Variants in NOCT observed in about 807,000 individuals in gnomAD.
The protein encoded by NOCT is CCR4 carbon catabolite repression 4-like.
In NOCT, 18 loss-of-function variants were observed where a neutral mutation model predicts 35.0. The observed-to-expected ratio is 0.51, with a 90% CI of 0.36 to 0.76. The LOEUF (loss-of-function observed/expected upper bound fraction) is 0.76, where lower values mean the gene tolerates loss of function less well. Ranked by LOEUF, NOCT falls within the 30% of genes least tolerant of loss-of-function variation. The probability of loss-of-function intolerance (pLI) is 0.01; values close to 1 mark genes in which losing one functional copy is unlikely to be tolerated. For missense variants in NOCT, 479 were observed against 541.0 expected, an observed-to-expected ratio of 0.89 and a Z score of 1.14; for synonymous variants, 235 against 226.3, an observed-to-expected ratio of 1.04 and a Z score of -0.34.
At chr4:139,035,810 T>C (rs1239477219) in intron 1 of NOCT, among the ~76,000 whole-genome samples, 2 of 152,162 alleles carry the variant, frequency 1.3e-5, no homozygotes, top group Non-Finnish European at 1.5e-5. Flanking sequence ...CATCTCCTTT[T>C]ATTCAGACTG....
chr4:139,041,501 GAAAAT>G (rs558946542), intron 1 of NOCT, among the ~76,000 whole-genome samples: 113 of 152,256 alleles, frequency 7.4e-4, no homozygotes, highest in Middle Eastern at 6.8e-3. Flanking sequence ...ATACTATAAT[GAAAAT>G]AAAACATAGT....
chr4:139,037,169 GA>G (rs1321110701), intron 1 of NOCT, among the ~76,000 whole-genome samples: 3 of 152,104 alleles, frequency 2.0e-5, no homozygotes, highest in Non-Finnish European at 2.9e-5. Flanking sequence ...GGTCTAAGGG[GA>G]CAGAGACAAG....
intron 1 of NOCT, among the ~76,000 whole-genome samples, chr4:139,023,895 C>T (rs1726466290): frequency 1.3e-5 from 2 of 152,180 alleles, no homozygotes; most frequent in African/African-American, 4.8e-5. Context: ...TTGAATGTCT[C>T]AGCATCTGAT....
chr4:139,039,316 T>C (rs1726793475), intron 1 of NOCT, among the ~76,000 whole-genome samples: 1 of 152,160 alleles, frequency 6.6e-6, no homozygotes, highest in Non-Finnish European at 1.5e-5. Context: ...TTAAATATGT[T>C]ACTTCATTTT....
chr4:139,026,474 T>TGCCTCA (rs1231119154), intron 1 of NOCT, among the ~76,000 whole-genome samples: 1 of 152,118 alleles, frequency 6.6e-6, no homozygotes, highest in African/African-American at 2.4e-5. Context: ...GGGATCTTCC[T>TGCCTCA]GCCTCAGCCT....
intron 2 of NOCT, among the ~76,000 whole-genome samples, chr4:139,044,075 CTA>C (rs1726891337): frequency 6.7e-6 from 1 of 150,174 alleles, no homozygotes; most frequent in African/African-American, 2.4e-5. Context: ...TCAATCAACT[CTA>C]TGTAGCATTG....
intron 1 of NOCT, among the ~76,000 whole-genome samples, chr4:139,027,507 C>CT (rs951630349): frequency 1.8e-4 from 26 of 147,002 alleles, no homozygotes; most frequent in South Asian, 4.3e-4. Context: ...TATTTATGGA[C>CT]TTTTTTTTTT....
chr4:139,020,942 T>C (rs1326583020), intron 1 of NOCT, among the ~76,000 whole-genome samples: 1 of 151,758 alleles, frequency 6.6e-6, no homozygotes, highest in Non-Finnish European at 1.5e-5. Flanking sequence ...GGTGCACACC[T>C]GTACATCCCA....
intron 1 of NOCT, among the ~76,000 whole-genome samples, chr4:139,020,221 C>T (rs976983493): frequency 3.9e-5 from 6 of 152,170 alleles, no homozygotes; most frequent in African/African-American, 1.4e-4. Context: ...ATCATTTAAC[C>T]TTGCTTGCTG....
intron 1 of NOCT, among the ~76,000 whole-genome samples, chr4:139,021,056 G>T (rs951519070): frequency 3.6e-5 from 5 of 139,036 alleles, no homozygotes; most frequent in Admixed American, 3.1e-4. Context: ...GACAGTAGGA[G>T]CAATACTCTG....
intron 1 of NOCT, 39 bp downstream of exon 1, chr4:139,016,210 C>A (rs886911145): frequency 2.5e-6 from 3 of 1,200,034 alleles, no homozygotes; most frequent in Non-Finnish European, 3.1e-6. Context: ...ACGCCACGGC[C>A]GCCAACGCGC....
At chr4:139,034,409 T>C (rs956822660) in intron 1 of NOCT, among the ~76,000 whole-genome samples, 4 of 152,152 alleles carry the variant, frequency 2.6e-5, no homozygotes, top group Non-Finnish European at 4.4e-5. Context: ...TCTTCAGTCT[T>C]CTTTAGTTTA....
chr4:139,040,906 TAA>T (rs796691356), intron 1 of NOCT, among the ~76,000 whole-genome samples: 2 of 142,988 alleles, frequency 1.4e-5, no homozygotes, highest in Non-Finnish European at 1.5e-5. Flanking sequence ...CTACAGGAAG[TAA>T]AAAAAAAAAG....
rs144325827 is a variant in NOCT at position 139,026,761 on chromosome 4, A to T, written c.190+10590A>T. Among the ~76,000 whole-genome samples the T allele has an allele frequency of 8.2e-3, 1,248 of 151,986 alleles. 18 individuals are homozygous for T. The highest frequency in any genetic ancestry group is 0.026 in the African/African-American group (1,076 of 41,448). ...AGATGGGGTTTTTGCCATGTTGGCCAGGCTGGTCTTGAATTCCTGACCTCA... is the reference window on the plus strand; with the variant it reads ...AGATGGGGTTTTTGCCATGTTGGCCTGGCTGGTCTTGAATTCCTGACCTCA... On this transcript the variant is annotated intron_variant, in intron 1 of 2. Transcript: ENST00000280614.
At chr4:139,031,997 G>A (rs1158775435) in intron 1 of NOCT, among the ~76,000 whole-genome samples, 1 of 152,174 alleles carries the variant, frequency 6.6e-6, no homozygotes, top group Admixed American at 6.6e-5. Context: ...ACAGGGGTGA[G>A]CTACCACGCC....
chr4:139,038,859 C>T (rs1162067019), intron 1 of NOCT, among the ~76,000 whole-genome samples: 1 of 152,058 alleles, frequency 6.6e-6, no homozygotes, highest in Non-Finnish European at 1.5e-5. Context: ...TGCTTTGCTC[C>T]AGTTCTTACA....
At chr4:139,032,870 AT>A (rs1371546345) in intron 1 of NOCT, among the ~76,000 whole-genome samples, 2 of 152,070 alleles carry the variant, frequency 1.3e-5, no homozygotes, top group African/African-American at 2.4e-5. Flanking sequence ...TATGAAAGGA[AT>A]TTTTTTTAAT....
At chr4:139,016,798 C>T (rs1356160037) in intron 1 of NOCT, among the ~76,000 whole-genome samples, 3 of 151,246 alleles carry the variant, frequency 2.0e-5, no homozygotes, top group Non-Finnish European at 4.4e-5. Context: ...GGATTACAGG[C>T]GCCAGTCACC....
At chr4:139,017,003 G>A (rs1216297931) in intron 1 of NOCT, among the ~76,000 whole-genome samples, 1 of 115,842 alleles carries the variant, frequency 8.6e-6, no homozygotes, top group Non-Finnish European at 1.7e-5. Context: ...ACTCTTTATA[G>A]TTAACATCAT....
Sources: allele counts gnomAD v4.1 joint callset (sites outside exome capture counted in the v4.1 genomes callset), GRCh38; gene constraint gnomAD v4.1.1; transcripts MANE v1.5; gene names NCBI Gene and HGNC (gene_info 2026-07-23, HGNC 2026-07-21).